Variants in KLHL1 observed in about 807,000 individuals in gnomAD.
KLHL1 encodes the protein kelch-like protein 1.
In KLHL1, 47 loss-of-function variants were observed where a neutral mutation model predicts 77.7. That is an observed-to-expected ratio of 0.60 (90% CI 0.48 to 0.77). KLHL1 has a LOEUF of 0.77. Ranked by LOEUF, KLHL1 falls within the 30% of genes least tolerant of loss-of-function variation. The probability of loss-of-function intolerance (pLI) is 0.00; values close to 1 mark genes in which losing one functional copy is unlikely to be tolerated. For missense variants in KLHL1, 925 were observed against 910.8 expected (o/e 1.02, Z -0.20); for synonymous variants, 360 against 325.2 (o/e 1.11, Z -1.15).
At chr13:70,066,425 T>TA (rs1387609818) in intron 1 of KLHL1, among the ~76,000 whole-genome samples, 1 of 152,164 alleles carries the variant, frequency 6.6e-6, no homozygotes, top group Non-Finnish European at 1.5e-5. Flanking sequence ...GCAAATAGAA[T>TA]AAAAATGGAG....
At chr13:70,042,497 T>C (rs1344015965) in intron 1 of KLHL1, among the ~76,000 whole-genome samples, 1 of 152,156 alleles carries the variant, frequency 6.6e-6, no homozygotes, top group East Asian at 1.9e-4. Flanking sequence ...TGCTATCACC[T>C]GGTGACACTG....
intron 4 of KLHL1, among the ~76,000 whole-genome samples, chr13:69,891,691 C>T (rs1007440380): frequency 2.0e-5 from 3 of 151,768 alleles, no homozygotes; most frequent in East Asian, 3.9e-4. Context: ...TGGTTTGTTT[C>T]GAATATCAAT....
At chr13:69,961,532 C>A in intron 2 of KLHL1, 88 bp from the exon 3 acceptor site, 1 of 1,370,744 alleles carries the variant, frequency 7.3e-7, no homozygotes, top group South Asian at 1.3e-5. Flanking sequence ...AGCACAAAAT[C>A]AATCTATTGA....
chr13:69,882,534 C>T (rs1437215203), intron 4 of KLHL1, 39 bp from the exon 5 acceptor site: 7 of 1,429,424 alleles, frequency 4.9e-6, no homozygotes, highest in Non-Finnish European at 3.9e-6. Flanking sequence ...TTCTGTTTCA[C>T]TTTTATTTAG....
At chr13:69,827,014 A>G (rs902601954) in intron 6 of KLHL1, among the ~76,000 whole-genome samples, 3 of 149,222 alleles carry the variant, frequency 2.0e-5, no homozygotes, top group Middle Eastern at 3.2e-3. Context: ...TACTAATTTC[A>G]TGGTTCTTCA....
At chr13:69,715,481 TC>T (rs1876076643) in intron 9 of KLHL1, among the ~76,000 whole-genome samples, 1 of 151,414 alleles carries the variant, frequency 6.6e-6, no homozygotes, top group Non-Finnish European at 1.5e-5. Context: ...CAATTATACC[TC>T]TTTTCTTTAT....
intron 5 of KLHL1, among the ~76,000 whole-genome samples, chr13:69,880,915 T>C (rs1880964532): frequency 6.6e-6 from 1 of 152,210 alleles, no homozygotes; most frequent in African/African-American, 2.4e-5. Context: ...TGTCATTAAC[T>C]GATAACTATC....
At chr13:69,808,537 T>TA (rs141977026) in intron 6 of KLHL1, among the ~76,000 whole-genome samples, 43,867 of 149,278 alleles carry the variant, frequency 0.29, 6,970 homozygotes, top group Non-Finnish European at 0.35. Flanking sequence ...ATCCCCAAGG[T>TA]AAAAAAAACA....
At position 69,858,465 on chromosome 13, in the gene KLHL1, T is replaced by C. The variant is rs1212157818; in HGVS notation, c.1228-19303A>G. On this transcript the variant is annotated intron_variant, in intron 5 of 10. Transcript: ENST00000377844. ...ACAAGATGACATTCATTATAAAAATTAAATTACTTTTCTCCTTGTAAAAAT... is the reference window on the plus strand; with the variant it reads ...ACAAGATGACATTCATTATAAAAATCAAATTACTTTTCTCCTTGTAAAAAT... 2.0e-5 allele frequency among the ~76,000 whole-genome samples: 3 copies of C among 152,194 alleles called. No individual in the cohort carries two copies. The East Asian group carries it at 5.8e-4, about 29-fold the overall frequency.
In KLHL1 at chr13:69,701,172, C is replaced by G. The variant is rs74092453; in HGVS notation, c.*530G>C. 0.11 allele frequency: 16,809 copies of G among 152,178 alleles called. 1,495 individuals are homozygous for G. Among genetic ancestry groups the G allele is most frequent in the African/African-American group, 0.25 (10,263 of 41,450 alleles). The allele number at this position is 152,178 out of a possible 1,614,324, so 9.4% of individuals were successfully genotyped here. A position where few individuals can be genotyped will look rare whatever the true frequency, so the allele number is the denominator to read the frequency against. On this transcript the variant is annotated 3_prime_UTR_variant, in exon 11 of 11. Transcript: ENST00000377844. ...TCTGTTTCTCTAATTGTTCTCATAG[C>G]TTAGGAAAATGAGGCAGAAGCAGGT... is the stretch of plus-strand genomic sequence containing the variant.
At chr13:70,039,312 G>T (rs1486235752) in intron 1 of KLHL1, among the ~76,000 whole-genome samples, 4 of 151,910 alleles carry the variant, frequency 2.6e-5, no homozygotes, top group African/African-American at 9.7e-5. Context: ...TCAAACTCCT[G>T]GCCTTAAACA....
intron 9 of KLHL1, among the ~76,000 whole-genome samples, chr13:69,718,630 A>G (rs9542041): frequency 0.51 from 77,894 of 151,928 alleles, 20,788 homozygotes; most frequent in East Asian, 0.67. Context: ...TATTACCATG[A>G]TCTTACTAAG....
chr13:70,030,257 A>C (rs1223196517), intron 1 of KLHL1, among the ~76,000 whole-genome samples: 1 of 152,310 alleles, frequency 6.6e-6, no homozygotes, highest in African/African-American at 2.4e-5. Context: ...ATAGACATCT[A>C]CAGAACTCTC....
intron 1 of KLHL1, among the ~76,000 whole-genome samples, chr13:70,035,328 G>C (rs1886212229): frequency 6.6e-6 from 1 of 152,000 alleles, no homozygotes; most frequent in Non-Finnish European, 1.5e-5. Flanking sequence ...AATAAGACAG[G>C]CACAGAAAAA....
chr13:69,705,916 C>A (rs1875605626), intron 10 of KLHL1, among the ~76,000 whole-genome samples: 1 of 151,450 alleles, frequency 6.6e-6, no homozygotes, highest in Non-Finnish European at 1.5e-5. Context: ...AATATGTATT[C>A]AGATATTATA....
At chr13:70,087,404 AGAG>A (rs1887569542) in intron 1 of KLHL1, among the ~76,000 whole-genome samples, 1 of 152,176 alleles carries the variant, frequency 6.6e-6, no homozygotes, top group African/African-American at 2.4e-5. Context: ...CAGTCAACCA[AGAG>A]TAGTAAAAAC....
intron 4 of KLHL1, among the ~76,000 whole-genome samples, chr13:69,890,600 C>T (rs967250020): frequency 1.3e-5 from 2 of 151,642 alleles, no homozygotes; most frequent in Admixed American, 6.6e-5. Context: ...CTGTTTATCA[C>T]CTTTGTAAAT....
At position 69,824,848 on chromosome 13, in the gene KLHL1, G is replaced by A. The variant is rs73506335; in HGVS notation, c.1414+14128C>T. Among the ~76,000 whole-genome samples, 687 of 152,180 alleles carry A rather than the reference G, an allele frequency of 4.5e-3. 12 individuals are homozygous for A. Among genetic ancestry groups the A allele is most frequent in the African/African-American group, 0.016 (659 of 41,528 alleles). ...TTTGGGTTACATACCTGTATGCATT[G>A]TGAAAACTCACTTAAAGGACCACTT... On this transcript the variant is annotated intron_variant, in intron 6 of 10. Coordinates refer to ENST00000377844, the MANE Select transcript of KLHL1 (RefSeq NM_020866.3).
rs553888390 is a variant in KLHL1, at chr13:69,916,559, G to A, written c.1014+23481C>T. On this transcript the variant is annotated intron_variant, in intron 4 of 10. Coordinates refer to ENST00000377844, the MANE Select transcript of KLHL1 (RefSeq NM_020866.3). ...GAACAATGAGAACACATGGACAGAG[G>A]AAGGGGAACATCACATACCGGGGCC... is the stretch of plus-strand genomic sequence containing the variant. Among the ~76,000 whole-genome samples, 4 of 151,898 alleles carry A rather than the reference G, an allele frequency of 2.6e-5. No homozygotes were observed. The South Asian group carries it at 8.3e-4, about 32-fold the overall frequency.
Sources: allele counts gnomAD v4.1 joint callset (sites outside exome capture counted in the v4.1 genomes callset), GRCh38; gene constraint gnomAD v4.1.1; transcripts MANE v1.5; gene names NCBI Gene and HGNC (gene_info 2026-07-23, HGNC 2026-07-21).